FARS2: variants seen among roughly 807,000 people sequenced by gnomAD.
The protein encoded by FARS2 is phenylalanyl-tRNA synthetase 2, mitochondrial.
In FARS2, 40 loss-of-function variants were observed where a neutral mutation model predicts 46.4. The observed-to-expected ratio is 0.86, with a 90% CI of 0.67 to 1.12. The LOEUF is 1.12. Among genes scored for constraint, FARS2 ranks in the 50% most tolerant of loss-of-function variants. The pLI, the probability that FARS2 is intolerant of heterozygous loss-of-function variation, is 0.00. For synonymous variants in FARS2, 234 were observed against 214.9 expected (o/e 1.09, Z -0.78); for missense variants, 513 against 567.9 (o/e 0.90, Z 0.98).
Position 5,261,854 on chromosome 6 carries a change from C to T in FARS2, c.-22+194C>T, listed in dbSNP as rs1057373769. On this transcript the variant is annotated intron_variant, in intron 1 of 6. Transcript: ENST00000274680. ...TAGACTTTGGAGAATAATTAGAGAC[C>T]TTTAGGGCTTTAGGCTTTCTCCAAG... Among the ~76,000 whole-genome samples, 6 of 152,140 alleles carry T rather than the reference C, an allele frequency of 3.9e-5. 1 individual carries two copies. The South Asian group carries it at 1.2e-3, about 32-fold the overall frequency.
chr6:5,538,821 C>T (rs1328291538), intron 4 of FARS2, among the ~76,000 whole-genome samples: 3 of 152,138 alleles, frequency 2.0e-5, no homozygotes, highest in Non-Finnish European at 2.9e-5. Flanking sequence ...AAATGGACAC[C>T]GTATCCTTTC....
At chr6:5,499,672 C>T (rs544792227) in intron 4 of FARS2, among the ~76,000 whole-genome samples, 94 of 152,318 alleles carry the variant, frequency 6.2e-4, no homozygotes, top group African/African-American at 2.1e-3. Flanking sequence ...GTAGTTTGAA[C>T]TTCAGGATCA....
chr6:5,742,708 A>G (rs939772346), intron 6 of FARS2, among the ~76,000 whole-genome samples: 4 of 152,104 alleles, frequency 2.6e-5, no homozygotes, highest in Non-Finnish European at 5.9e-5. Context: ...TCTGAAAAAA[A>G]GAAGATACGT....
In FARS2 at chr6:5,292,952, G is replaced by A. The variant is rs964918293; in HGVS notation, c.-22+31292G>A. ...CCAGAAGAGAGGCCACAAAAACTGA[G>A]GGAAGGCACAGTTCTGAAGAGGGTG... On this transcript the variant is annotated intron_variant, in intron 1 of 6. Coordinates refer to ENST00000274680, the MANE Select transcript of FARS2 (RefSeq NM_006567.5). Among the ~76,000 whole-genome samples, 45 of 152,196 alleles carry A rather than the reference G, an allele frequency of 3.0e-4. 1 individual carries two copies. The highest frequency in any genetic ancestry group is 1.5e-5 in the Non-Finnish European group (1 of 68,036).
At chr6:5,662,030 A>G (rs1247479519) in intron 6 of FARS2, among the ~76,000 whole-genome samples, 1 of 152,064 alleles carries the variant, frequency 6.6e-6, no homozygotes, top group East Asian at 1.9e-4. Flanking sequence ...GGTATTTTAC[A>G]TTGAATGAAA....
chr6:5,533,959 C>T (rs1408945966), intron 4 of FARS2, among the ~76,000 whole-genome samples: 1 of 152,144 alleles, frequency 6.6e-6, no homozygotes, highest in Non-Finnish European at 1.5e-5. Flanking sequence ...TTTGTATTTC[C>T]TTAAGGAAGA....
In FARS2 at chr6:5,445,677, T is replaced by C. The variant is rs1764141738; in HGVS notation, c.904+14505T>C. Among the ~76,000 whole-genome samples the C allele has an allele frequency of 2.0e-5, 3 of 152,180 alleles. No homozygotes were observed. In the South Asian group the frequency reaches 6.2e-4, roughly 32 times the overall value. ...TTTGAGTTTTCTTTACTGGAGAGTG[T>C]CTCCAAGCTCGGAAGAAGTAGCTCT... On this transcript the variant is annotated intron_variant, in intron 4 of 6. Transcript: ENST00000274680.
chr6:5,369,489 C>G (rs1440557497), intron 2 of FARS2, among the ~76,000 whole-genome samples: 1 of 152,142 alleles, frequency 6.6e-6, no homozygotes, highest in Non-Finnish European at 1.5e-5. Flanking sequence ...GTCTGTGGCT[C>G]AAATTCACCT....
intron 6 of FARS2, among the ~76,000 whole-genome samples, chr6:5,637,969 G>T (rs527765606): frequency 2.0e-5 from 3 of 152,174 alleles, no homozygotes; most frequent in Non-Finnish European, 4.4e-5. Context: ...ATTTTGGGAG[G>T]ACACAGTTCA....
At chr6:5,695,204 C>G (rs536836453) in intron 6 of FARS2, 1 of 152,384 alleles carries the variant, frequency 6.6e-6, no homozygotes, top group Admixed American at 6.5e-5. Flanking sequence ...TTTCAAGAAG[C>G]ATAAATCCCA....
At chr6:5,324,645 A>T (rs1370586063) in intron 1 of FARS2, among the ~76,000 whole-genome samples, 1 of 152,076 alleles carries the variant, frequency 6.6e-6, no homozygotes, top group Admixed American at 6.5e-5. Context: ...TTACCAATGT[A>T]TGAACAGTAC....
At chr6:5,274,430 A>G (rs562014102) in intron 1 of FARS2, among the ~76,000 whole-genome samples, 1 of 152,316 alleles carries the variant, frequency 6.6e-6, no homozygotes, top group East Asian at 1.9e-4. Flanking sequence ...GGTTTCTAGG[A>G]AAGATTTTGT....
At chr6:5,340,189 C>A (rs1771457265) in intron 1 of FARS2, among the ~76,000 whole-genome samples, 1 of 152,164 alleles carries the variant, frequency 6.6e-6, no homozygotes, top group Admixed American at 6.5e-5. Context: ...AATGATGAGG[C>A]CATACTTTGT....
chr6:5,688,988 T>A lies in FARS2; in HGVS notation c.1217+75668T>A, dbSNP rs182993119. ...TTCTAGATTTTCTAGTTTATTTGCA[T>A]AGAGGTGTTTATAGTATTCTCTGAT... On this transcript the variant is annotated intron_variant, in intron 6 of 6. Coordinates refer to ENST00000274680, the MANE Select transcript of FARS2 (RefSeq NM_006567.5). Among the ~76,000 whole-genome samples the A allele has an allele frequency of 2.6e-5, 4 of 152,356 alleles. No homozygotes were observed. In the South Asian group the frequency reaches 8.3e-4, roughly 32 times the overall value.
Position 5,385,916 on chromosome 6 carries a change from G to T in FARS2, c.612+16734G>T, listed in dbSNP as rs574246064. ...CTGGGGCTCAGGGGTCGCCTGCTTA[G>T]TGACAGGTTTTGGTTGAACCGAGTT... On this transcript the variant is annotated intron_variant, in intron 2 of 6. Transcript: ENST00000274680. Among the ~76,000 whole-genome samples the T allele has an allele frequency of 3.7e-4, 57 of 152,282 alleles. 1 individual carries two copies. Among genetic ancestry groups the T allele is most frequent in the Admixed American group, 1.4e-3 (22 of 15,306 alleles).
chr6:5,602,705 A>G (rs9504447), intron 5 of FARS2, among the ~76,000 whole-genome samples: 40,765 of 148,790 alleles, frequency 0.27, 6,340 homozygotes, highest in African/African-American at 0.41. Flanking sequence ...TGGAAGGTGC[A>G]TGGAGACATT....
chr6:5,378,521 G>C (rs1759536378), intron 2 of FARS2, among the ~76,000 whole-genome samples: 1 of 152,126 alleles, frequency 6.6e-6, no homozygotes, highest in Non-Finnish European at 1.5e-5. Flanking sequence ...CTTCCCCGCT[G>C]TTACTCTTGT....
chr6:5,757,335 T>G (rs1443835408), intron 6 of FARS2, among the ~76,000 whole-genome samples: 1 of 152,198 alleles, frequency 6.6e-6, no homozygotes, highest in African/African-American at 2.4e-5. Context: ...TGCTTCAGTC[T>G]TATGGCTTCA....
At chr6:5,729,735 T>C (rs1283254572) in intron 6 of FARS2, among the ~76,000 whole-genome samples, 1 of 152,002 alleles carries the variant, frequency 6.6e-6, no homozygotes, top group East Asian at 1.9e-4. Flanking sequence ...TTTCTCTGCT[T>C]TGTTTTTGTT....
Sources: gnomAD v4.1 joint callset for allele counts (sites outside exome capture counted in the v4.1 genomes callset) on GRCh38, gnomAD v4.1.1 for gene constraint, MANE v1.5 for transcripts, NCBI Gene and HGNC (gene_info 2026-07-23, HGNC 2026-07-21) for gene names.